THADA: variants seen among roughly 807,000 people sequenced by gnomAD.
The protein encoded by THADA is tRNA (32-2'-O)-methyltransferase regulator THADA.
Under a neutral mutation model 219.8 loss-of-function variants are expected in THADA, and 213 were observed. The observed-to-expected ratio is 0.97, with a 90% CI of 0.87 to 1.09. THADA has a LOEUF of 1.09. THADA is among the 50% of genes least tolerant of loss of function. The pLI, the probability that THADA is intolerant of heterozygous loss-of-function variation, is 0.00. For missense variants in THADA, 2,956 were observed against 2,311.3 expected (o/e 1.28, Z -5.72); for synonymous variants, 1,018 against 828.9 (o/e 1.23, Z -3.92).
At chr2:43,236,403 A>G (rs1268990258) in intron 36 of THADA, among the ~76,000 whole-genome samples, 1 of 152,200 alleles carries the variant, frequency 6.6e-6, no homozygotes, top group Admixed American at 6.5e-5. Flanking sequence ...GCTCAGCCAG[A>G]ACTGCCTAGA....
chr2:43,570,404 G>C lies in THADA; in HGVS notation c.2171C>G (p.Ser724Cys). 1 of 1,611,838 alleles carries C rather than the reference G, an allele frequency of 6.2e-7. No individual in the cohort carries two copies. Among genetic ancestry groups the C allele is most frequent in the East Asian group, 2.2e-5 (1 of 44,782 alleles). The change falls in exon 14 of 38, where the codon TCT (serine) becomes TGT (cysteine). Residue 724 changes from serine to cysteine, a missense_variant. Physicochemically the swap from Ser to Cys is moderately radical, Grantham distance 112. Coordinates refer to ENST00000405975, the MANE Select transcript of THADA (RefSeq NM_022065.5). ...ATCACCTACCTTATACTGCTGTAAA[G>C]AAACAGAAGGGTGCTGTTTGGTTAA... ...NELTKQHPSV[S>C]LQQYKNFMSS...
intron 28 of THADA, among the ~76,000 whole-genome samples, chr2:43,406,135 C>T (rs1675502016): frequency 6.6e-6 from 1 of 152,212 alleles, no homozygotes; most frequent in African/African-American, 2.4e-5. Context: ...GAAATAGGCA[C>T]AGCACTCAGC....
At chr2:43,426,028 A>G (rs544003227) in intron 28 of THADA, among the ~76,000 whole-genome samples, 5 of 152,352 alleles carry the variant, frequency 3.3e-5, no homozygotes, top group African/African-American at 7.2e-5. Context: ...CTACAACCGC[A>G]GCATTTTCTT....
At chr2:43,578,077 A>G (rs1010078515) in intron 9 of THADA, among the ~76,000 whole-genome samples, 1 of 152,022 alleles carries the variant, frequency 6.6e-6, no homozygotes, top group African/African-American at 2.4e-5. Flanking sequence ...TCTTATTATA[A>G]CAGAAAAAGG....
At chr2:43,545,357 T>A (rs1413950371) in intron 20 of THADA, among the ~76,000 whole-genome samples, 1 of 151,248 alleles carries the variant, frequency 6.6e-6, no homozygotes. Flanking sequence ...TGTCTCTGCC[T>A]GGCTTTGGTA....
At chr2:43,263,361 A>C (rs1671174029) in intron 36 of THADA, among the ~76,000 whole-genome samples, 1 of 146,082 alleles carries the variant, frequency 6.8e-6, no homozygotes, top group African/African-American at 2.5e-5. Flanking sequence ...GACCTGGCCA[A>C]GGATGCATAC....
At chr2:43,344,882 A>G (rs1321891880) in intron 29 of THADA, among the ~76,000 whole-genome samples, 1 of 152,096 alleles carries the variant, frequency 6.6e-6, no homozygotes, top group Non-Finnish European at 1.5e-5. Flanking sequence ...GTATGTATGT[A>G]CTGGATTCAG....
At chr2:43,299,244 G>A (rs113380325) in intron 31 of THADA, among the ~76,000 whole-genome samples, 28 of 152,018 alleles carry the variant, frequency 1.8e-4, no homozygotes, top group African/African-American at 6.5e-4. Context: ...TTTGGATAAA[G>A]GAAGCTTAAC....
intron 14 of THADA, 99 bp downstream of exon 14, chr2:43,570,289 C>A: frequency 8.1e-7 from 1 of 1,230,724 alleles, no homozygotes; most frequent in East Asian, 2.6e-5. Flanking sequence ...CACAGAAACA[C>A]AATTTACCAA....
At position 43,508,663 on chromosome 2, in the gene THADA, A is replaced by G; in HGVS notation, c.3492T>C (p.Ile1164=). Residue 1164 remains isoleucine, a synonymous_variant, in exon 23 of 38, where the codon ATT becomes ATC. Coordinates refer to ENST00000405975, the MANE Select transcript of THADA (RefSeq NM_022065.5). ...AGATAAATACCTGTATGTAGAAAGG[A>G]ATTCCAGCACTGCGCCTTGTAGCAC... ...KLCATRRSAG[I]PFYIQALLAS... 6.2e-7 allele frequency: 1 copy of G among 1,613,384 alleles called. No individual in the cohort carries two copies.
intron 29 of THADA, among the ~76,000 whole-genome samples, chr2:43,363,138 C>G (rs955210353): frequency 2.0e-5 from 3 of 152,174 alleles, no homozygotes; most frequent in Admixed American, 6.5e-5. Flanking sequence ...GGAATATACT[C>G]TAAAGTAACA....
chr2:43,413,298 A>C (rs1008930166), intron 28 of THADA, among the ~76,000 whole-genome samples: 2 of 152,126 alleles, frequency 1.3e-5, no homozygotes, highest in Non-Finnish European at 2.9e-5. Flanking sequence ...TGAGAAAAAC[A>C]CAACAGTCTA....
intron 26 of THADA, among the ~76,000 whole-genome samples, chr2:43,477,005 C>A (rs908621547): frequency 6.6e-6 from 1 of 152,042 alleles, no homozygotes; most frequent in Non-Finnish European, 1.5e-5. Context: ...ATATGTAGGA[C>A]GCTATTTTAC....
chr2:43,457,746 A>G (rs968503315), intron 26 of THADA, among the ~76,000 whole-genome samples: 1 of 152,178 alleles, frequency 6.6e-6, no homozygotes, highest in East Asian at 1.9e-4. Flanking sequence ...CTTTTGTCCA[A>G]TTCAAATTGT....
intron 17 of THADA, 56 bp downstream of exon 17, chr2:43,556,289 A>C (rs1013489952): frequency 1.9e-6 from 3 of 1,589,504 alleles, no homozygotes; most frequent in Non-Finnish European, 2.6e-6. Context: ...TATTCTAACC[A>C]AATGAATACT....
intron 25 of THADA, among the ~76,000 whole-genome samples, chr2:43,494,202 C>A (rs2105044939): frequency 6.6e-6 from 1 of 152,324 alleles, no homozygotes; most frequent in South Asian, 2.1e-4. Context: ...ACATATTGGG[C>A]TGTTCCAAAA....
intron 30 of THADA, among the ~76,000 whole-genome samples, chr2:43,321,306 C>A (rs958372441): frequency 6.6e-6 from 1 of 152,212 alleles, no homozygotes. Context: ...GACAGACCTA[C>A]AATTGAGTCC....
chr2:43,414,535 A>G (rs1676705305), intron 28 of THADA, among the ~76,000 whole-genome samples: 1 of 152,216 alleles, frequency 6.6e-6, no homozygotes, highest in Non-Finnish European at 1.5e-5. Context: ...CTTCCAGATG[A>G]AAGATAGAAA....
rs1375541433 is a variant in THADA at position 43,289,982 on chromosome 2, T to G, written c.5010+1714A>C. 8.9e-4 allele frequency among the ~76,000 whole-genome samples: 126 copies of G among 142,212 alleles called. 1 individual carries two copies. Among genetic ancestry groups the G allele is most frequent in the Non-Finnish European group, 1.4e-3 (96 of 66,424 alleles). The allele number at this position is 142,212 out of a possible 152,430, so 93.3% of individuals were successfully genotyped here. On this transcript the variant is annotated intron_variant, in intron 34 of 37. Transcript: ENST00000405975. ...GTGTTTTTTTTTTGTTTTTGTTTTT[T>G]TTTTTTTTTTTGAGACAGGGTCTTG...
Sources: allele counts gnomAD v4.1 joint callset (sites outside exome capture counted in the v4.1 genomes callset), GRCh38; gene constraint gnomAD v4.1.1; transcripts MANE v1.5; gene names NCBI Gene and HGNC (gene_info 2026-07-23, HGNC 2026-07-21).